Variants in EEF2K observed in about 807,000 individuals in gnomAD.
The protein encoded by EEF2K is eukaryotic elongation factor 2 kinase.
EEF2K carries 70 observed loss-of-function variants against 93.8 expected under a neutral mutation model. That is an observed-to-expected ratio of 0.75 (90% CI 0.62 to 0.91). The LOEUF (loss-of-function observed/expected upper bound fraction) is 0.91, where lower values mean the gene tolerates loss of function less well. Among genes scored for constraint, EEF2K ranks in the 40% least tolerant of loss-of-function variants. The probability of loss-of-function intolerance (pLI) is 0.00; values close to 1 mark genes in which losing one functional copy is unlikely to be tolerated. For missense variants in EEF2K, 935 were observed against 972.9 expected (o/e 0.96, Z 0.52); for synonymous variants, 376 against 380.8 (o/e 0.99, Z 0.15).
intron 2 of EEF2K, among the ~76,000 whole-genome samples, chr16:22,239,509 G>T (rs2047200318): frequency 1.3e-5 from 2 of 152,148 alleles, no homozygotes; most frequent in African/African-American, 4.8e-5. Context: ...TGAGACTGGT[G>T]CTTTAAGTTA....
chr16:22,226,514 C>CTTTTTTTTTTTTTTTTTTTT (rs1393099761), intron 2 of EEF2K, among the ~76,000 whole-genome samples: 3 of 84,488 alleles, frequency 3.6e-5, no homozygotes, highest in African/African-American at 1.9e-4. Flanking sequence ...TTTCCTTCTT[C>CTTTTTTTTTTTTTTTTTTTT]TTCTTTTTTT....
chr16:22,257,628 C>T lies in EEF2K; in HGVS notation c.902-15C>T. The T allele has an allele frequency of 1.2e-6, 2 of 1,611,388 alleles. No individual in the cohort carries two copies. The highest frequency in any genetic ancestry group is 1.7e-6 in the Non-Finnish European group (2 of 1,179,774). On this transcript the variant is annotated splice_polypyrimidine_tract_variant and intron_variant, in intron 8 of 17. Coordinates refer to ENST00000263026, the MANE Select transcript of EEF2K (RefSeq NM_013302.5). ...GAGCAAAGCAACACTCCAGACACCCCCGCTCTGTCCACAGGTGTCCGCGGG... is the reference window on the plus strand; with the variant it reads ...GAGCAAAGCAACACTCCAGACACCCTCGCTCTGTCCACAGGTGTCCGCGGG...
At chr16:22,254,245 C>T (rs922201893) in intron 6 of EEF2K, among the ~76,000 whole-genome samples, 1 of 152,168 alleles carries the variant, frequency 6.6e-6, no homozygotes, top group Admixed American at 6.5e-5. Context: ...CCAGGGAGCC[C>T]TCTGGCCCAG....
rs146639993 is a variant in EEF2K at position 22,250,826 on chromosome 16, A to C, written c.446+135A>C. Reference sequence around the variant, plus strand: ...CTTCTTGTAGCCCAGGTTCCTGTCCATCTAGTCTCCCTCGGGCCACACATT... The same window carrying C: ...CTTCTTGTAGCCCAGGTTCCTGTCCCTCTAGTCTCCCTCGGGCCACACATT... On this transcript the variant is annotated intron_variant, in intron 5 of 17. Transcript: ENST00000263026. 2.2e-4 allele frequency: 257 copies of C among 1,182,468 alleles called. 2 individuals carry two copies. In the African/African-American group the frequency reaches 3.3e-3, roughly 15 times the overall value. 73.2% of individuals were successfully genotyped at this position (1,182,468 alleles called of 1,614,324 possible).
rs548325071 is a variant in EEF2K at position 22,218,847 on chromosome 16, G to C, written c.-76-6807G>C. On this transcript the variant is annotated intron_variant, in intron 1 of 17. Transcript: ENST00000263026. Reference sequence around the variant, plus strand: ...TCCATAGAAATAGGGACTGGAGGCCGGGCGCAGTGGCTCATGCCTTTAATC... The same window carrying C: ...TCCATAGAAATAGGGACTGGAGGCCCGGCGCAGTGGCTCATGCCTTTAATC... Among the ~76,000 whole-genome samples the C allele has an allele frequency of 3.3e-5, 5 of 151,868 alleles. No individual in the cohort carries two copies. The East Asian group carries it at 9.7e-4, about 30-fold the overall frequency.
chr16:22,258,835 T>G (rs1261368041), intron 10 of EEF2K, 140 bp downstream of exon 10: 1 of 1,085,610 alleles, frequency 9.2e-7, no homozygotes, highest in African/African-American at 1.6e-5. Context: ...TAGGTGAGTT[T>G]CATTGAGTGA....
At chr16:22,258,217 G>A (rs1367315979) in intron 9 of EEF2K, among the ~76,000 whole-genome samples, 1 of 152,138 alleles carries the variant, frequency 6.6e-6, no homozygotes, top group East Asian at 1.9e-4. Context: ...GACATAGAGT[G>A]GAATGCTTTC....
chr16:22,237,575 A>G (rs1402571088), intron 2 of EEF2K, among the ~76,000 whole-genome samples: 1 of 151,598 alleles, frequency 6.6e-6, no homozygotes, highest in Non-Finnish European at 1.5e-5. Context: ...CCATGATTCC[A>G]TTACTGCACT....
chr16:22,270,102 G>A (rs2047563056), intron 15 of EEF2K, among the ~76,000 whole-genome samples: 1 of 151,440 alleles, frequency 6.6e-6, no homozygotes, highest in Non-Finnish European at 1.5e-5. Context: ...GATTACAGGT[G>A]CCTGCCACCA....
intron 10 of EEF2K, among the ~76,000 whole-genome samples, chr16:22,260,038 A>G (rs952751980): frequency 6.6e-6 from 1 of 152,070 alleles, no homozygotes; most frequent in African/African-American, 2.4e-5. Flanking sequence ...CAGGCATAAG[A>G]CACCGTGCCC....
Position 22,225,786 on chromosome 16 carries a change from C to G in EEF2K, c.57C>G (p.Pro19=), listed in dbSNP as rs748311349. ...RLEGVDGGQS[P]RAGHDGDSDG... is the part of the protein sequence containing the mutation. ...AAGGCGTTGATGGCGGCCAGTCCCCCCGAGCTGGCCATGATGGTGATTCTG... is the reference window on the plus strand; with the variant it reads ...AAGGCGTTGATGGCGGCCAGTCCCCGCGAGCTGGCCATGATGGTGATTCTG... The change falls in exon 2 of 18, where the codon CCC becomes CCG. Residue 19 remains proline, a synonymous_variant. Coordinates refer to ENST00000263026, the MANE Select transcript of EEF2K (RefSeq NM_013302.5). 4 of 1,614,240 alleles carry G rather than the reference C, an allele frequency of 2.5e-6. No individual in the cohort carries two copies. The highest frequency in any genetic ancestry group is 3.4e-6 in the Non-Finnish European group (4 of 1,180,050).
intron 15 of EEF2K, 43 bp downstream of exon 15, chr16:22,266,919 T>G: frequency 6.4e-7 from 1 of 1,563,948 alleles, no homozygotes; most frequent in Non-Finnish European, 8.7e-7. Flanking sequence ...GGGGTGGGAC[T>G]TGGTCACCCT....
chr16:22,280,284 T>C lies in EEF2K; in HGVS notation c.1976T>C (p.Met659Thr). The C allele has an allele frequency of 6.2e-7, 1 of 1,609,610 alleles. No homozygotes were observed. The highest frequency in any genetic ancestry group is 8.5e-7 in the Non-Finnish European group (1 of 1,178,062). Residue 659 changes from methionine (M) to threonine (T), a missense_variant, in exon 17 of 18, where the codon ATG (methionine) becomes ACG (threonine). Transcript: ENST00000263026. The part of the protein sequence containing the change: ...DCDEGGEYDG[M>T]QDEPRYMMLA... Reference sequence around the variant, plus strand: ...GATGAGGGCGGTGAGTACGACGGAATGCAGGACGAGCCCCGGTACATGATG... The same window carrying C: ...GATGAGGGCGGTGAGTACGACGGAACGCAGGACGAGCCCCGGTACATGATG...
At chr16:22,253,211 C>G (rs1057015788) in intron 6 of EEF2K, among the ~76,000 whole-genome samples, 1 of 152,220 alleles carries the variant, frequency 6.6e-6, no homozygotes, top group Non-Finnish European at 1.5e-5. Flanking sequence ...TCCCTGTTGC[C>G]TTTCGGCATT....
In EEF2K at chr16:22,233,493, A is replaced by T. The variant is rs143952249; in HGVS notation, c.246+7518A>T. The stretch of plus-strand genomic sequence containing the variant: ...CAGGAGTTCGAGACCACCCTGGCCA[A>T]CATGGTGAAACCCCGTCTCTACTAA... On this transcript the variant is annotated intron_variant, in intron 2 of 17. Coordinates refer to ENST00000263026, the MANE Select transcript of EEF2K (RefSeq NM_013302.5). Among the ~76,000 whole-genome samples the T allele has an allele frequency of 7.2e-3, 1,095 of 151,772 alleles. 6 individuals carry two copies. The highest frequency in any genetic ancestry group is 0.011 in the Non-Finnish European group (765 of 67,964).
At chr16:22,276,298 A>G (rs1316564736) in intron 16 of EEF2K, among the ~76,000 whole-genome samples, 1 of 152,078 alleles carries the variant, frequency 6.6e-6, no homozygotes, top group Non-Finnish European at 1.5e-5. Context: ...CCATAGATAG[A>G]GGGAGGGCAC....
intron 2 of EEF2K, among the ~76,000 whole-genome samples, chr16:22,227,043 C>CA (rs1256093930): frequency 6.6e-6 from 1 of 151,980 alleles, no homozygotes; most frequent in South Asian, 2.1e-4. Flanking sequence ...TACTAAAATA[C>CA]AAAAAATTAG....
At chr16:22,244,495 A>G in intron 2 of EEF2K, 135 bp from the exon 3 acceptor site, 1 of 753,346 alleles carries the variant, frequency 1.3e-6, no homozygotes, top group Non-Finnish European at 2.2e-6. Context: ...CTGAAAGGCT[A>G]CTAGACAGGA....
intron 16 of EEF2K, among the ~76,000 whole-genome samples, chr16:22,279,816 G>A (rs2047675250): frequency 6.6e-6 from 1 of 152,038 alleles, no homozygotes. Context: ...CCAACGTGGT[G>A]AAATGCCGTC....
Sources: allele counts gnomAD v4.1 joint callset (sites outside exome capture counted in the v4.1 genomes callset), GRCh38; gene constraint gnomAD v4.1.1; transcripts MANE v1.5; gene names NCBI Gene and HGNC (gene_info 2026-07-23, HGNC 2026-07-21).